Variants in LINGO2 observed in about 807,000 individuals in gnomAD.
LINGO2 encodes the protein leucine-rich repeat and immunoglobulin-like domain-containing nogo receptor-interacting protein 2.
A neutral mutation model predicts 30.6 loss-of-function variants in LINGO2; 14 were observed. The ratio of observed to expected loss-of-function variants is 0.46; its 90% CI spans 0.30 to 0.72. LINGO2 has a LOEUF of 0.72. Ranked by LOEUF, LINGO2 falls within the 30% of genes least tolerant of loss-of-function variation. The pLI is 0.07. For synonymous variants in LINGO2, 317 were observed against 288.5 expected (o/e 1.10, Z -1.00); for missense variants, 729 against 751.7 (o/e 0.97, Z 0.35).
At chr9:28,191,643 A>G (rs1333636395) in intron 4 of LINGO2, among the ~76,000 whole-genome samples, 1 of 152,104 alleles carries the variant, frequency 6.6e-6, no homozygotes, top group Non-Finnish European at 1.5e-5. Flanking sequence ...GCTCAATGCC[A>G]GGAACATGAC....
intron 4 of LINGO2, among the ~76,000 whole-genome samples, chr9:28,036,635 T>TCA (rs1823949316): frequency 1.3e-5 from 2 of 152,324 alleles, no homozygotes; most frequent in Admixed American, 1.3e-4. Context: ...GGACAAGACT[T>TCA]TAGCCCAAAG....
In LINGO2 at chr9:28,104,155, C is replaced by T. The variant is rs147725070; in HGVS notation, c.-86-91750G>A. On this transcript the variant is annotated intron_variant, in intron 4 of 5. Transcript: ENST00000379992. ...TTGTCCCCTACTCCTCTCTGTCCTTCTTGGGTTATAATAAGGACAGGAAGG... is the reference window on the plus strand; with the variant it reads ...TTGTCCCCTACTCCTCTCTGTCCTTTTTGGGTTATAATAAGGACAGGAAGG... Among the ~76,000 whole-genome samples the T allele has an allele frequency of 3.6e-3, 547 of 150,422 alleles. 3 individuals carry two copies. Among genetic ancestry groups the T allele is most frequent in the African/African-American group, 0.013 (523 of 41,062 alleles).
intron 2 of LINGO2, among the ~76,000 whole-genome samples, chr9:28,459,895 C>T (rs916998068): frequency 6.6e-6 from 1 of 151,984 alleles, no homozygotes; most frequent in Non-Finnish European, 1.5e-5. Context: ...TATTAGATAA[C>T]TTATAAACAT....
At chr9:28,193,945 T>A (rs1367511039) in intron 4 of LINGO2, among the ~76,000 whole-genome samples, 2 of 152,206 alleles carry the variant, frequency 1.3e-5, no homozygotes, top group Non-Finnish European at 2.9e-5. Flanking sequence ...GGCAGCTGAT[T>A]TGCCCCAGAG....
chr9:29,192,696 A>G, the LINGO2 span, among the ~76,000 whole-genome samples: 1 of 152,128 alleles, frequency 6.6e-6, no homozygotes, highest in East Asian at 1.9e-4. Flanking sequence ...AAATATTTTT[A>G]TTTGATATTA....
the LINGO2 span, among the ~76,000 whole-genome samples, chr9:28,775,486 T>G: frequency 6.6e-6 from 1 of 152,196 alleles, no homozygotes; most frequent in South Asian, 2.1e-4. Flanking sequence ...AATACCAGCA[T>G]GGTTTGGAAG....
chr9:28,402,792 G>A (rs933730426), intron 2 of LINGO2, among the ~76,000 whole-genome samples: 11 of 151,938 alleles, frequency 7.2e-5, no homozygotes, highest in African/African-American at 2.7e-4. Flanking sequence ...CGTTTTTTCT[G>A]TCTTCTTTCT....
intron 5 of LINGO2, among the ~76,000 whole-genome samples, chr9:27,999,948 A>C (rs191746694): frequency 2.4e-4 from 36 of 152,288 alleles, no homozygotes; most frequent in Admixed American, 2.4e-3. Flanking sequence ...CCTGTGACTC[A>C]ATATTAGCTC....
intron 4 of LINGO2, among the ~76,000 whole-genome samples, chr9:28,035,547 T>TAGCC (rs1297459403): frequency 2.0e-5 from 3 of 152,226 alleles, no homozygotes; most frequent in Admixed American, 6.5e-5. Context: ...ATTTGATAAT[T>TAGCC]AGCCACACAT....
intron 1 of LINGO2, among the ~76,000 whole-genome samples, chr9:28,608,777 G>A (rs1282849334): frequency 6.6e-6 from 1 of 152,040 alleles, no homozygotes; most frequent in East Asian, 1.9e-4. Flanking sequence ...AACCATGGAT[G>A]TAGTTCAGAT....
At chr9:28,844,682 A>G in the LINGO2 span, among the ~76,000 whole-genome samples, 1 of 151,806 alleles carries the variant, frequency 6.6e-6, no homozygotes, top group Non-Finnish European at 1.5e-5. Context: ...GCAAAACTTC[A>G]ATATGGGATC....
At chr9:28,704,740 AATG>A in the LINGO2 span, among the ~76,000 whole-genome samples, 1 of 152,062 alleles carries the variant, frequency 6.6e-6, no homozygotes, top group African/African-American at 2.4e-5. Context: ...TGAGCTCTAC[AATG>A]ATGTTTTGAT....
chr9:29,181,659 T>C, the LINGO2 span, among the ~76,000 whole-genome samples: 1 of 152,144 alleles, frequency 6.6e-6, no homozygotes, highest in South Asian at 2.1e-4. Flanking sequence ...ACTGATGTAC[T>C]AGGAAACAAA....
At chr9:27,994,268 G>A (rs987436953) in intron 5 of LINGO2, among the ~76,000 whole-genome samples, 5 of 151,780 alleles carry the variant, frequency 3.3e-5, no homozygotes, top group Middle Eastern at 3.4e-3. Context: ...AACCAAACCC[G>A]AAATTAGTAG....
Position 28,174,919 on chromosome 9 carries a change from T to TGAGAGAGA in LINGO2, c.-87+120288_-87+120289insTCTCTCTC, listed in dbSNP as rs1438795846. ...GTCTCTGTGTGTGTGTGTGTGTGTG[T>TGAGAGAGA]GTGAGAGAGAGAGAGAGAGAGAGAG... On this transcript the variant is annotated intron_variant, in intron 4 of 5. Transcript: ENST00000379992. 5.6e-5 allele frequency among the ~76,000 whole-genome samples: 8 copies of TGAGAGAGA among 142,482 alleles called. No individual in the cohort carries two copies. The East Asian group carries it at 1.0e-3, about 18-fold the overall frequency. The allele number at this position is 142,482 out of a possible 152,430, so 93.5% of individuals were successfully genotyped here. A position where few individuals can be genotyped will look rare whatever the true frequency, so the allele number is the denominator to read the frequency against.
the LINGO2 span, among the ~76,000 whole-genome samples, chr9:28,999,640 A>G: frequency 2.6e-5 from 4 of 152,052 alleles, no homozygotes; most frequent in East Asian, 5.8e-4. Flanking sequence ...AAATATTCCT[A>G]TTAAATCCTG....
chr9:28,000,233 A>C (rs1821878929), intron 5 of LINGO2, among the ~76,000 whole-genome samples: 1 of 152,200 alleles, frequency 6.6e-6, no homozygotes, highest in South Asian at 2.1e-4. Flanking sequence ...CTCCAAAATC[A>C]ACTTGTAAGC....
At chr9:28,628,632 G>C (rs1298437316) in intron 1 of LINGO2, among the ~76,000 whole-genome samples, 1 of 152,052 alleles carries the variant, frequency 6.6e-6, no homozygotes, top group African/African-American at 2.4e-5. Flanking sequence ...GGTATTTAAT[G>C]ACAGAATGAT....
chr9:29,098,680 A>G, the LINGO2 span, among the ~76,000 whole-genome samples: 4 of 152,264 alleles, frequency 2.6e-5, no homozygotes, highest in African/African-American at 9.6e-5. Flanking sequence ...TAGGTCATGT[A>G]AGAACTTATA....
Sources: gnomAD v4.1 joint callset for allele counts (sites outside exome capture counted in the v4.1 genomes callset) on GRCh38, gnomAD v4.1.1 for gene constraint, MANE v1.5 for transcripts, NCBI Gene and HGNC (gene_info 2026-07-23, HGNC 2026-07-21) for gene names.